The following MTMR7 variants were observed in gnomAD, a reference collection of about 807,000 sequenced individuals.
MTMR7 encodes myotubularin related protein 7, also known as phosphatidylinositol-3-phosphate phosphatase MTMR7.
MTMR7 carries 76 observed loss-of-function variants against 81.2 expected under a neutral mutation model. That is an observed-to-expected ratio of 0.94 (90% CI 0.78 to 1.13). The LOEUF (loss-of-function observed/expected upper bound fraction) is 1.13. Ranked by LOEUF, MTMR7 falls within the 50% of genes most tolerant of loss-of-function variation. The probability of loss-of-function intolerance (pLI) is 0.00; values close to 1 mark genes in which losing one functional copy is unlikely to be tolerated. For missense variants in MTMR7, 1,044 were observed against 820.0 expected, an observed-to-expected ratio of 1.27 and a Z score of -3.34; for synonymous variants, 372 against 289.8, an observed-to-expected ratio of 1.28 and a Z score of -2.88.
intron 5 of MTMR7, among the ~76,000 whole-genome samples, chr8:17,344,138 T>C (rs1406545348): frequency 6.6e-6 from 1 of 152,206 alleles, no homozygotes; most frequent in Non-Finnish European, 1.5e-5. Context: ...TTGGCTCCAC[T>C]TGATACATGA....
chr8:17,322,556 A>G (rs4345599), intron 7 of MTMR7, among the ~76,000 whole-genome samples: 90,727 of 152,076 alleles, frequency 0.6, 29,168 homozygotes, highest in African/African-American at 0.83. Flanking sequence ...ACATTGGGTC[A>G]TGCCTGTAAT....
At chr8:17,358,628 C>G (rs939163675) in intron 4 of MTMR7, among the ~76,000 whole-genome samples, 1 of 152,034 alleles carries the variant, frequency 6.6e-6, no homozygotes, top group Non-Finnish European at 1.5e-5. Flanking sequence ...CATACGTCTT[C>G]AAAACATTCC....
chr8:17,402,323 T>C (rs56113645), intron 1 of MTMR7, among the ~76,000 whole-genome samples: 8,164 of 152,240 alleles, frequency 0.054, 479 homozygotes, highest in East Asian at 0.33. Flanking sequence ...TGTTGTGCTA[T>C]CAAATACTAG....
chr8:17,334,536 T>C (rs1018015131), intron 6 of MTMR7, among the ~76,000 whole-genome samples: 1 of 152,172 alleles, frequency 6.6e-6, no homozygotes, highest in African/African-American at 2.4e-5. Context: ...ACTGCAAAAA[T>C]ACCCTGTTTC....
chr8:17,323,244 G>A (rs2150513444), intron 7 of MTMR7, among the ~76,000 whole-genome samples: 1 of 152,108 alleles, frequency 6.6e-6, no homozygotes, highest in South Asian at 2.1e-4. Flanking sequence ...ACCACACCCA[G>A]CCAACAGAAT....
chr8:17,381,182 T>C (rs10096324), intron 1 of MTMR7, among the ~76,000 whole-genome samples: 8,962 of 152,242 alleles, frequency 0.059, 668 homozygotes, highest in African/African-American at 0.17. Flanking sequence ...GAATTCCTGT[T>C]CTTCCTCTGT....
chr8:17,329,426 G>C (rs1004550308), intron 7 of MTMR7, among the ~76,000 whole-genome samples: 1 of 152,190 alleles, frequency 6.6e-6, no homozygotes, highest in Non-Finnish European at 1.5e-5. Flanking sequence ...ACAGACAGCT[G>C]CCCTCCAGAA....
intron 3 of MTMR7, among the ~76,000 whole-genome samples, chr8:17,369,307 C>G (rs1425425139): frequency 6.6e-6 from 1 of 152,212 alleles, no homozygotes; most frequent in African/African-American, 2.4e-5. Context: ...GAAAAAGCCT[C>G]AACCAACTGC....
intron 1 of MTMR7, among the ~76,000 whole-genome samples, chr8:17,386,645 GAT>G (rs34234153): frequency 0.41 from 62,390 of 151,776 alleles, 13,503 homozygotes; most frequent in Admixed American, 0.56. Flanking sequence ...CTCTGCTCAT[GAT>G]GGCTCCAGTT....
At chr8:17,407,597 T>C (rs1821625124) in intron 1 of MTMR7, among the ~76,000 whole-genome samples, 1 of 143,830 alleles carries the variant, frequency 7.0e-6, no homozygotes, top group African/African-American at 2.5e-5. Context: ...TTCCATAGGA[T>C]TAAAAAAAAA....
At chr8:17,390,045 T>G (rs1167214875) in intron 1 of MTMR7, among the ~76,000 whole-genome samples, 3 of 144,638 alleles carry the variant, frequency 2.1e-5, no homozygotes, top group Admixed American at 1.4e-4. Context: ...TGCTTGAAGG[T>G]GGGAAAGCAT....
chr8:17,405,411 C>A (rs1821548868), intron 1 of MTMR7, among the ~76,000 whole-genome samples: 1 of 152,138 alleles, frequency 6.6e-6, no homozygotes, highest in South Asian at 2.1e-4. Context: ...GTCTAAGGGG[C>A]AATATGGAGC....
At chr8:17,333,151 C>G (rs1819099987) in intron 6 of MTMR7, among the ~76,000 whole-genome samples, 1 of 152,190 alleles carries the variant, frequency 6.6e-6, no homozygotes, top group African/African-American at 2.4e-5. Flanking sequence ...TGGGCCACAT[C>G]AGCCCCTCAG....
chr8:17,316,052 G>C (rs76872429), intron 7 of MTMR7, among the ~76,000 whole-genome samples: 5 of 152,054 alleles, frequency 3.3e-5, no homozygotes, highest in Non-Finnish European at 2.9e-5. Context: ...TCGTGTTTTC[G>C]TGTCATCCTG....
rs189026294 is a variant in MTMR7 at position 17,348,472 on chromosome 8, C to A, written c.597+481G>T. ...GGCTGAGGCAGGAGAATTGCTTGAA[C>A]CTGGGAGGCAGAGGTTGCAGTGAGC... On this transcript the variant is annotated intron_variant, in intron 5 of 13. Transcript: ENST00000180173. Among the ~76,000 whole-genome samples, 50 of 149,794 alleles carry A rather than the reference C, an allele frequency of 3.3e-4. 1 individual carries two copies. Among genetic ancestry groups the A allele is most frequent in the African/African-American group, 1.2e-3 (49 of 40,602 alleles).
chr8:17,394,506 T>G (rs1232289416), intron 1 of MTMR7, among the ~76,000 whole-genome samples: 1 of 152,146 alleles, frequency 6.6e-6, no homozygotes, highest in Non-Finnish European at 1.5e-5. Context: ...TAGGCAAATC[T>G]CTAGAGATTG....
At chr8:17,342,813 G>A (rs1271425846) in intron 5 of MTMR7, among the ~76,000 whole-genome samples, 1 of 152,122 alleles carries the variant, frequency 6.6e-6, no homozygotes, top group East Asian at 1.9e-4. Context: ...AGGGGCAGCA[G>A]CAGAGTCACT....
At chr8:17,344,531 A>T (rs565480311) in intron 5 of MTMR7, among the ~76,000 whole-genome samples, 1 of 152,242 alleles carries the variant, frequency 6.6e-6, no homozygotes, top group South Asian at 2.1e-4. Context: ...GAATCGCTTG[A>T]ACATGGGAGG....
chr8:17,311,917 C>T (rs537710642), intron 8 of MTMR7: 27 of 317,084 alleles, frequency 8.5e-5, no homozygotes, highest in African/African-American at 1.9e-4. Flanking sequence ...CCTATGCAAA[C>T]GGACCTTCAA....
Sources: gnomAD v4.1 joint callset for allele counts (sites outside exome capture counted in the v4.1 genomes callset) on GRCh38, gnomAD v4.1.1 for gene constraint, MANE v1.5 for transcripts, NCBI Gene and HGNC (gene_info 2026-07-23, HGNC 2026-07-21) for gene names.